The following DGKI variants were observed in gnomAD, a reference collection of about 807,000 sequenced individuals.
DGKI encodes the protein diacylglycerol kinase iota.
In DGKI, 55 loss-of-function variants were observed where a neutral mutation model predicts 147.5. That is an observed-to-expected ratio of 0.37 (90% CI 0.30 to 0.47). The LOEUF (loss-of-function observed/expected upper bound fraction) is 0.47. DGKI is among the 20% of genes least tolerant of loss of function. The pLI is 1.00. For synonymous variants in DGKI, 469 were observed against 477.1 expected (o/e 0.98, Z 0.22); for missense variants, 1,007 against 1,323.8 (o/e 0.76, Z 3.71).
At chr7:137,460,847 A>G (rs1814412297) in intron 27 of DGKI, among the ~76,000 whole-genome samples, 2 of 152,256 alleles carry the variant, frequency 1.3e-5, no homozygotes, top group South Asian at 2.1e-4. Context: ...AAACAATGAC[A>G]TAATAAATCA....
At chr7:137,416,670 C>A (rs950568467) in intron 28 of DGKI, among the ~76,000 whole-genome samples, 17 of 152,126 alleles carry the variant, frequency 1.1e-4, no homozygotes, top group African/African-American at 4.1e-4. Context: ...GTCTGCTTCC[C>A]CCCCTCTGGA....
intron 6 of DGKI, among the ~76,000 whole-genome samples, chr7:137,643,063 G>T (rs181323175): frequency 6.6e-6 from 1 of 151,110 alleles, no homozygotes; most frequent in South Asian, 2.1e-4. Context: ...AGGCCGAGAC[G>T]GGCGGATCAC....
chr7:137,833,644 A>T (rs1017399030), intron 1 of DGKI, among the ~76,000 whole-genome samples: 3 of 152,194 alleles, frequency 2.0e-5, no homozygotes, highest in African/African-American at 7.2e-5. Flanking sequence ...CTACCAGGGC[A>T]CTGCCAGTGG....
intron 5 of DGKI, among the ~76,000 whole-genome samples, chr7:137,652,008 G>A (rs1386229689): frequency 1.3e-5 from 2 of 152,126 alleles, no homozygotes. Context: ...TGACTAGAAA[G>A]TGACATACCG....
At chr7:137,430,301 A>G (rs2128910836) in intron 28 of DGKI, among the ~76,000 whole-genome samples, 1 of 151,982 alleles carries the variant, frequency 6.6e-6, no homozygotes, top group African/African-American at 2.4e-5. Context: ...AACTATCACA[A>G]GGACAAAAAA....
At position 137,638,574 on chromosome 7, in the gene DGKI, A is replaced by ATG. The variant is rs1410380354; in HGVS notation, c.804+6896_804+6897dup. ...TGTGTGTATATATATACACACATAT[A>ATG]TGTATATATACACATATATACATAT... On this transcript the variant is annotated intron_variant, in intron 6 of 32. Coordinates refer to ENST00000614521, the MANE Select transcript of DGKI (RefSeq NM_001321708.2). Among the ~76,000 whole-genome samples the ATG allele has an allele frequency of 4.5e-3, 124 of 27,498 alleles. 5 individuals carry two copies. Among genetic ancestry groups the ATG allele is most frequent in the African/African-American group, 0.012 (111 of 9,156 alleles). 18.0% of individuals were successfully genotyped at this position (27,498 alleles called of 152,430 possible).
In DGKI at chr7:137,472,360, A is replaced by ACATTAAATATTATATG. The variant is rs1470781991; in HGVS notation, c.2374-2742_2374-2741insCATATAATATTTAATG. On this transcript the variant is annotated intron_variant, in intron 23 of 32. Coordinates refer to ENST00000614521, the MANE Select transcript of DGKI (RefSeq NM_001321708.2). ...ATACATATAATTATTATATGTATAT[A>ACATTAAATATTATATG]TACATATAATTATTATATGTATATA... is the stretch of plus-strand genomic sequence containing the variant. Among the ~76,000 whole-genome samples, 8 of 117,808 alleles carry ACATTAAATATTATATG rather than the reference A, an allele frequency of 6.8e-5. 2 individuals are homozygous for ACATTAAATATTATATG. Among genetic ancestry groups the ACATTAAATATTATATG allele is most frequent in the African/African-American group, 3.2e-4 (8 of 25,076 alleles). 77.3% of individuals were successfully genotyped at this position (117,808 alleles called of 152,430 possible).
chr7:137,531,003 C>T (rs1051309781), intron 20 of DGKI, among the ~76,000 whole-genome samples: 3 of 152,094 alleles, frequency 2.0e-5, no homozygotes, highest in Non-Finnish European at 4.4e-5. Context: ...CTAGAGATGA[C>T]AACCTTTAAA....
intron 1 of DGKI, among the ~76,000 whole-genome samples, chr7:137,731,386 T>C (rs900112273): frequency 6.6e-6 from 1 of 152,128 alleles, no homozygotes; most frequent in Non-Finnish European, 1.5e-5. Flanking sequence ...TTATTGTTCT[T>C]TCCCCAGTAT....
chr7:137,794,918 A>C lies in DGKI; in HGVS notation c.401+51544T>G, dbSNP rs577434307. Among the ~76,000 whole-genome samples, 7 of 152,372 alleles carry C rather than the reference A, an allele frequency of 4.6e-5. No homozygotes were observed. In the South Asian group the frequency reaches 1.4e-3, roughly 32 times the overall value. On this transcript the variant is annotated intron_variant, in intron 1 of 32. Transcript: ENST00000614521. ...CAATCTTCCTAAAGAGGAGACAAGCATCAGACTTCATCGTCCAGCTACGTC... is the reference window on the plus strand; with the variant it reads ...CAATCTTCCTAAAGAGGAGACAAGCCTCAGACTTCATCGTCCAGCTACGTC...
At chr7:137,832,755 T>C (rs1798255150) in intron 1 of DGKI, among the ~76,000 whole-genome samples, 1 of 152,258 alleles carries the variant, frequency 6.6e-6, no homozygotes, top group Non-Finnish European at 1.5e-5. Flanking sequence ...TTCTTTTCCA[T>C]TGCATCGTCA....
chr7:137,406,642 G>C (rs1428313072), intron 30 of DGKI, among the ~76,000 whole-genome samples: 1 of 152,136 alleles, frequency 6.6e-6, no homozygotes, highest in South Asian at 2.1e-4. Context: ...GTCAAATGAC[G>C]GGATGTGTTT....
intron 30 of DGKI, among the ~76,000 whole-genome samples, chr7:137,400,211 G>A (rs1811702063): frequency 6.6e-6 from 1 of 152,164 alleles, no homozygotes; most frequent in South Asian, 2.1e-4. Flanking sequence ...CGTCAGCAAG[G>A]GGCTTAAGTA....
At position 137,427,258 on chromosome 7, in the gene DGKI, A is replaced by G. The variant is rs1004633649; in HGVS notation, c.2762-15051T>C. Among the ~76,000 whole-genome samples, 42 of 152,212 alleles carry G rather than the reference A, an allele frequency of 2.8e-4. No homozygotes were observed. In the East Asian group the frequency reaches 5.4e-3, roughly 20 times the overall value. Reference sequence around the variant, plus strand: ...AGGATTAAGAAACTCACTCAAAACCACTCAACTACATGGAAACTGAACAAC... The same window carrying G: ...AGGATTAAGAAACTCACTCAAAACCGCTCAACTACATGGAAACTGAACAAC... On this transcript the variant is annotated intron_variant, in intron 28 of 32. Transcript: ENST00000614521.
At chr7:137,581,775 C>G (rs919571877) in intron 15 of DGKI, 75 bp downstream of exon 15, 10 of 1,300,434 alleles carry the variant, frequency 7.7e-6, no homozygotes, top group African/African-American at 7.3e-5. Flanking sequence ...AAGTGATATA[C>G]AAACAAAAGG....
At chr7:137,808,545 G>A (rs1797453165) in intron 1 of DGKI, among the ~76,000 whole-genome samples, 1 of 152,114 alleles carries the variant, frequency 6.6e-6, no homozygotes, top group African/African-American at 2.4e-5. Flanking sequence ...GAAGATTACA[G>A]AACCAGGCAC....
chr7:137,419,114 T>A (rs1379270510), intron 28 of DGKI, among the ~76,000 whole-genome samples: 1 of 152,168 alleles, frequency 6.6e-6, no homozygotes, highest in Admixed American at 6.5e-5. Context: ...CTGAGTTTCT[T>A]CCACTATATG....
At chr7:137,554,745 C>T (rs1248320423) in intron 19 of DGKI, among the ~76,000 whole-genome samples, 2 of 151,702 alleles carry the variant, frequency 1.3e-5, no homozygotes, top group Non-Finnish European at 2.9e-5. Context: ...CCTTCCTCAC[C>T]GCCACTATCA....
chr7:137,517,624 CTG>C (rs1248374308), intron 21 of DGKI, among the ~76,000 whole-genome samples: 2 of 152,042 alleles, frequency 1.3e-5, no homozygotes, highest in Non-Finnish European at 2.9e-5. Context: ...ATGAGAAAAA[CTG>C]GGGGAGGAAT....
Sources: allele counts gnomAD v4.1 joint callset (sites outside exome capture counted in the v4.1 genomes callset), GRCh38; gene constraint gnomAD v4.1.1; transcripts MANE v1.5; gene names NCBI Gene and HGNC (gene_info 2026-07-23, HGNC 2026-07-21).